Variants in ZNF664 observed in about 807,000 individuals in gnomAD.
ZNF664 encodes the protein zinc finger protein 664, also known as zinc finger Organ of Corti 1.
In ZNF664, 10 loss-of-function variants were observed where a neutral mutation model predicts 18.2. The ratio of observed to expected loss-of-function variants is 0.55; its 90% CI spans 0.34 to 0.93. ZNF664 has a LOEUF of 0.93. ZNF664 is among the 40% of genes least tolerant of loss of function. ZNF664 has a pLI of 0.02. For missense variants in ZNF664, 193 were observed against 319.0 expected, an observed-to-expected ratio of 0.61 and a Z score of 3.01; for synonymous variants, 119 against 104.2, an observed-to-expected ratio of 1.14 and a Z score of -0.86.
chr12:123,994,001 A>G (rs1956917968), intron 3 of ZNF664, among the ~76,000 whole-genome samples: 1 of 152,208 alleles, frequency 6.6e-6, no homozygotes, highest in African/African-American at 2.4e-5. Context: ...GCCAGATGGA[A>G]TAAATTCTGA....
At chr12:124,001,881 TGAA>T (rs1957016785) in intron 3 of ZNF664, among the ~76,000 whole-genome samples, 2 of 152,186 alleles carry the variant, frequency 1.3e-5, no homozygotes, top group Non-Finnish European at 2.9e-5. Flanking sequence ...GACAAAGAGA[TGAA>T]GGAGTTTTAG....
chr12:123,997,913 CAG>C (rs1353034693), intron 3 of ZNF664: 1 of 152,218 alleles, frequency 6.6e-6, no homozygotes, highest in Non-Finnish European at 1.5e-5. Context: ...GAGGGAGGCT[CAG>C]AGACGGTGTG....
At chr12:124,002,448 A>G (rs1347854897) in intron 3 of ZNF664, among the ~76,000 whole-genome samples, 1 of 152,208 alleles carries the variant, frequency 6.6e-6, no homozygotes, top group African/African-American at 2.4e-5. Context: ...AAGGGTGACT[A>G]CTGGTAGAGG....
intron 3 of ZNF664, among the ~76,000 whole-genome samples, chr12:124,009,395 A>G (rs1455642443): frequency 5.3e-5 from 8 of 152,198 alleles, no homozygotes; most frequent in African/African-American, 9.6e-5. Flanking sequence ...GTCATGTAAC[A>G]GTATATTCAG....
intron 2 of ZNF664, chr12:123,974,307 C>G: frequency 3.0e-6 from 1 of 338,744 alleles, no homozygotes; most frequent in Non-Finnish European, 5.3e-6. Flanking sequence ...AGATTGCTTA[C>G]GGGCTGTCTT....
chr12:123,999,130 C>T (rs1956983312), intron 3 of ZNF664, among the ~76,000 whole-genome samples: 1 of 152,164 alleles, frequency 6.6e-6, no homozygotes, highest in South Asian at 2.1e-4. Flanking sequence ...CTTATCCAGC[C>T]CCTATGACAC....
intron 3 of ZNF664, chr12:123,989,188 CT>C: frequency 6.5e-6 from 1 of 152,928 alleles, no homozygotes; most frequent in Non-Finnish European, 1.5e-5. Context: ...TGTGTGATGT[CT>C]TTTCTTTTTC....
intron 3 of ZNF664, among the ~76,000 whole-genome samples, chr12:124,010,848 G>A (rs1289137403): frequency 6.6e-6 from 1 of 152,146 alleles, no homozygotes; most frequent in Non-Finnish European, 1.5e-5. Context: ...GACCCACAAA[G>A]CTCTGCACAA....
chr12:123,979,321 C>T (rs1311321870), intron 2 of ZNF664, among the ~76,000 whole-genome samples: 1 of 152,144 alleles, frequency 6.6e-6, no homozygotes, highest in East Asian at 1.9e-4. Flanking sequence ...AATTCAACCT[C>T]ATTGTGATTA....
Position 124,014,714 on chromosome 12 carries a change from A to G in ZNF664, c.*1784A>G, listed in dbSNP as rs1330834544. 1.8e-5 allele frequency: 3 copies of G among 167,058 alleles called. No individual in the cohort carries two copies. Among genetic ancestry groups the G allele is most frequent in the South Asian group, 2.1e-4 (1 of 4,834 alleles). 10.3% of individuals were successfully genotyped at this position (167,058 alleles called of 1,614,324 possible). ...TACTGAAAGTTTGATTTTTCTTTCC[A>G]TATTTGAATTAATTTTTTCTGTTTG... is the stretch of plus-strand genomic sequence containing the variant. On this transcript the variant is annotated 3_prime_UTR_variant, in exon 5 of 5. Coordinates refer to ENST00000337815, the MANE Select transcript of ZNF664 (RefSeq NM_152437.3).
intron 2 of ZNF664, among the ~76,000 whole-genome samples, chr12:123,982,705 A>G (rs1448974306): frequency 6.6e-6 from 1 of 152,208 alleles, no homozygotes; most frequent in Non-Finnish European, 1.5e-5. Context: ...GACTGGCTAG[A>G]AGGGAGTGCA....
chr12:124,013,123 TCTGAGCATCCA>T lies in ZNF664; in HGVS notation c.*195_*205del. 2 of 794,012 alleles carry T rather than the reference TCTGAGCATCCA, an allele frequency of 2.5e-6. No individual in the cohort carries two copies. Among genetic ancestry groups the T allele is most frequent in the South Asian group, 3.9e-5 (2 of 51,642 alleles). 49.2% of individuals were successfully genotyped at this position (794,012 alleles called of 1,614,324 possible). A position where few individuals can be genotyped will look rare whatever the true frequency, so the allele number is the denominator to read the frequency against. Reference sequence around the variant, plus strand: ...CACAGGTTGACTTTGAATGTGGACCTCTGAGCATCCACGCAGGATGGCTCTCAGGTCCCAGT... The same window carrying T: ...CACAGGTTGACTTTGAATGTGGACCTCGCAGGATGGCTCTCAGGTCCCAGT... On this transcript the variant is annotated 3_prime_UTR_variant, in exon 5 of 5. Transcript: ENST00000337815.
At chr12:123,982,943 C>T (rs1428997104) in intron 2 of ZNF664, among the ~76,000 whole-genome samples, 4 of 152,102 alleles carry the variant, frequency 2.6e-5, no homozygotes, top group East Asian at 1.9e-4. Flanking sequence ...TGGCTTGAGG[C>T]TGGGAGTTTG....
At chr12:124,007,766 A>ATTTTATTCATCCAT (rs55967424) in intron 3 of ZNF664, among the ~76,000 whole-genome samples, 58,543 of 151,898 alleles carry the variant, frequency 0.39, 12,357 homozygotes, top group African/African-American at 0.56. Flanking sequence ...AGAGTAGACT[A>ATTTTATTCATCCAT]TTATCTCTTA....
intron 3 of ZNF664, among the ~76,000 whole-genome samples, chr12:124,009,553 C>T (rs775385238): frequency 9.9e-5 from 15 of 152,008 alleles, no homozygotes; most frequent in Non-Finnish European, 1.9e-4. Context: ...GGCTGGAGTA[C>T]AGTGGTGCAA....
At chr12:124,010,704 A>G (rs77945872) in intron 3 of ZNF664, among the ~76,000 whole-genome samples, 274 of 152,336 alleles carry the variant, frequency 1.8e-3, no homozygotes, top group African/African-American at 6.1e-3. Context: ...TGGCACTTAC[A>G]TCCTAGTACA....
intron 1 of ZNF664, chr12:123,973,619 C>T: frequency 4.5e-6 from 2 of 448,456 alleles, no homozygotes; most frequent in Non-Finnish European, 3.0e-6. Context: ...GGCCGGGGGG[C>T]GCAGATGGCG....
chr12:123,998,343 G>T (rs1180905648), intron 3 of ZNF664: 1 of 152,130 alleles, frequency 6.6e-6, no homozygotes, highest in African/African-American at 2.4e-5. Context: ...GGTCTTTATA[G>T]GTGGACTACT....
chr12:123,988,231 A>G (rs1956847029), intron 3 of ZNF664, 93 bp downstream of exon 3: 2 of 1,182,528 alleles, frequency 1.7e-6, no homozygotes, highest in Non-Finnish European at 2.1e-6. Context: ...TTTTCTGAGC[A>G]TGTGCCCTTT....
Sources: allele counts gnomAD v4.1 joint callset (sites outside exome capture counted in the v4.1 genomes callset), GRCh38; gene constraint gnomAD v4.1.1; transcripts MANE v1.5; gene names NCBI Gene and HGNC (gene_info 2026-07-23, HGNC 2026-07-21).